The following THEMIS variants were observed in gnomAD, a reference collection of about 807,000 sequenced individuals.
The protein encoded by THEMIS is protein THEMIS.
In THEMIS, 37 loss-of-function variants were observed where a neutral mutation model predicts 52.6. The observed-to-expected ratio is 0.70, with a 90% confidence interval of 0.54 to 0.93. The LOEUF is 0.93. Among genes scored for constraint, THEMIS ranks in the 40% least tolerant of loss-of-function variants. THEMIS has a pLI of 0.00. For synonymous variants in THEMIS, 292 were observed against 272.7 expected, an observed-to-expected ratio of 1.07 and a Z score of -0.70; for missense variants, 808 against 763.1, an observed-to-expected ratio of 1.06 and a Z score of -0.69.
intron 4 of THEMIS, among the ~76,000 whole-genome samples, chr6:127,798,717 G>A (rs554851852): frequency 3.9e-5 from 6 of 152,236 alleles, no homozygotes; most frequent in South Asian, 4.1e-4. Context: ...ACGGCCGGGC[G>A]CGGTGGCTCA....
intron 2 of THEMIS, among the ~76,000 whole-genome samples, chr6:127,836,072 G>A (rs1778866005): frequency 6.6e-6 from 1 of 152,044 alleles, no homozygotes; most frequent in Admixed American, 6.6e-5. Flanking sequence ...AAATGCCAAG[G>A]CATTTTTGAA....
chr6:127,744,620 A>G (rs1438239551), intron 4 of THEMIS, among the ~76,000 whole-genome samples: 1 of 152,010 alleles, frequency 6.6e-6, no homozygotes, highest in East Asian at 1.9e-4. Context: ...TGAGGTATCT[A>G]AAATGGTCAA....
chr6:127,906,381 T>C (rs1441104348), intron 1 of THEMIS, among the ~76,000 whole-genome samples: 2 of 151,866 alleles, frequency 1.3e-5, no homozygotes, highest in Non-Finnish European at 2.9e-5. Flanking sequence ...ACCAAATGAA[T>C]GGAATCAGAG....
intron 1 of THEMIS, among the ~76,000 whole-genome samples, chr6:127,868,914 A>T (rs984078741): frequency 6.6e-6 from 1 of 152,196 alleles, no homozygotes; most frequent in Non-Finnish European, 1.5e-5. Context: ...ACAGAATAAC[A>T]GTGCTATGTA....
At chr6:127,787,007 T>C (rs897904983) in intron 4 of THEMIS, among the ~76,000 whole-genome samples, 6 of 152,034 alleles carry the variant, frequency 3.9e-5, no homozygotes, top group African/African-American at 9.7e-5. Context: ...CCAAGAGCAT[T>C]GCCACTATGT....
chr6:127,894,039 A>T (rs1218066633), intron 1 of THEMIS, among the ~76,000 whole-genome samples: 1 of 152,116 alleles, frequency 6.6e-6, no homozygotes, highest in Non-Finnish European at 1.5e-5. Context: ...ACATGGAACA[A>T]CTGAACCTCA....
downstream of THEMIS, among the ~76,000 whole-genome samples, chr6:127,705,586 A>G (rs1773788928): frequency 6.6e-6 from 1 of 152,320 alleles, no homozygotes; most frequent in East Asian, 1.9e-4. Context: ...ATGCTTTCTC[A>G]TAACTGAAAT....
downstream of THEMIS, among the ~76,000 whole-genome samples, chr6:127,707,337 G>A (rs1773824728): frequency 6.6e-6 from 1 of 152,148 alleles, no homozygotes; most frequent in Admixed American, 6.5e-5. Context: ...GGAATGTATT[G>A]TGCACACCTT....
chr6:127,709,961 C>G lies in THEMIS; in HGVS notation c.*24G>C, dbSNP rs2114447345. 1 of 1,583,144 alleles carries G rather than the reference C, an allele frequency of 6.3e-7. No homozygotes were observed. The highest frequency in any genetic ancestry group is 1.2e-5 in the South Asian group (1 of 85,410). On this transcript the variant is annotated 3_prime_UTR_variant, in exon 6 of 6. Transcript: ENST00000368248. ...TCACTGCAACATTTATGTTTGCTGC[C>G]TAAGTGGCTTCTGTCACATCTTGTT...
intron 4 of THEMIS, among the ~76,000 whole-genome samples, chr6:127,811,528 T>A (rs941697979): frequency 9.2e-5 from 14 of 152,234 alleles, no homozygotes; most frequent in African/African-American, 3.1e-4. Flanking sequence ...CCCACCTGGA[T>A]AATCCAAGAT....
At chr6:127,754,327 G>A (rs866660044) in intron 4 of THEMIS, among the ~76,000 whole-genome samples, 4 of 152,032 alleles carry the variant, frequency 2.6e-5, no homozygotes, top group African/African-American at 9.7e-5. Context: ...ATTTTCAAAC[G>A]AACTCATATT....
intron 1 of THEMIS, among the ~76,000 whole-genome samples, chr6:127,871,869 C>T (rs1780168072): frequency 6.6e-6 from 1 of 152,072 alleles, no homozygotes; most frequent in Admixed American, 6.6e-5. Flanking sequence ...ATCTGCCAAA[C>T]TTCTAAGGAA....
intron 4 of THEMIS, among the ~76,000 whole-genome samples, chr6:127,775,593 C>T (rs769756095): frequency 4.0e-5 from 6 of 151,644 alleles, no homozygotes; most frequent in Non-Finnish European, 5.9e-5. Flanking sequence ...GGTTTGACCT[C>T]ATTCCCTGAA....
In THEMIS at chr6:127,900,998, G is replaced by T; in HGVS notation, c.-66C>A. ...AACTTGTGGCTTCTGGGTGACACTTGTCTGCAATTGCAGCCCCTGCTCACC... is the reference window on the plus strand; with the variant it reads ...AACTTGTGGCTTCTGGGTGACACTTTTCTGCAATTGCAGCCCCTGCTCACC... On this transcript the variant is annotated 5_prime_UTR_variant, in exon 1 of 6. Transcript: ENST00000368248. 1 of 1,244,508 alleles carries T rather than the reference G, an allele frequency of 8.0e-7. No homozygotes were observed. The highest frequency in any genetic ancestry group is 1.2e-6 in the Non-Finnish European group (1 of 845,332). The allele number at this position is 1,244,508 out of a possible 1,614,324, so 77.1% of individuals were successfully genotyped here. A position where few individuals can be genotyped will look rare whatever the true frequency, so the allele number is the denominator to read the frequency against.
chr6:127,812,860 A>G (rs372637803), intron 4 of THEMIS, 23 bp downstream of exon 4: 20 of 1,542,992 alleles, frequency 1.3e-5, no homozygotes, highest in Non-Finnish European at 1.7e-5. Context: ...TCCAGAGAAA[A>G]CATTGCAAAA....
chr6:127,701,388 A>G, the THEMIS span, among the ~76,000 whole-genome samples: 1 of 152,092 alleles, frequency 6.6e-6, no homozygotes, highest in African/African-American at 2.4e-5. Context: ...TTTCATTGCT[A>G]CATCAGTTTC....
chr6:127,796,335 T>C (rs1178289810), intron 4 of THEMIS, among the ~76,000 whole-genome samples: 1 of 152,124 alleles, frequency 6.6e-6, no homozygotes, highest in Non-Finnish European at 1.5e-5. Flanking sequence ...TCCTAGCCAT[T>C]ATCACCAAAC....
rs73773846 is a variant in THEMIS, at chr6:127,762,175, G to A, written c.1759-42352C>T. Among the ~76,000 whole-genome samples, 772 of 152,110 alleles carry A rather than the reference G, an allele frequency of 5.1e-3. 6 individuals are homozygous for A. Among genetic ancestry groups the A allele is most frequent in the African/African-American group, 0.018 (729 of 41,524 alleles). On this transcript the variant is annotated intron_variant, in intron 4 of 5. Coordinates refer to ENST00000368248, the MANE Select transcript of THEMIS (RefSeq NM_001010923.3). ...AGTTATAGAAAGATAAATATATCACGATTCTATTATATGATGTATCTAAAA... is the reference window on the plus strand; with the variant it reads ...AGTTATAGAAAGATAAATATATCACAATTCTATTATATGATGTATCTAAAA...
intron 5 of THEMIS, among the ~76,000 whole-genome samples, chr6:127,713,331 T>A (rs191441758): frequency 8.2e-4 from 125 of 152,018 alleles, no homozygotes; most frequent in Non-Finnish European, 1.3e-3. Context: ...CCAGCAACTG[T>A]TTTTGCATAC....
Sources: gnomAD v4.1 joint callset for allele counts (sites outside exome capture counted in the v4.1 genomes callset) on GRCh38, gnomAD v4.1.1 for gene constraint, MANE v1.5 for transcripts, NCBI Gene and HGNC (gene_info 2026-07-23, HGNC 2026-07-21) for gene names.